Variants in EPS8L1 observed in about 807,000 individuals in gnomAD.
EPS8L1 encodes the protein epidermal growth factor receptor kinase substrate 8-like protein 1.
In EPS8L1, 101 loss-of-function variants were observed where a neutral mutation model predicts 91.7. The observed-to-expected ratio is 1.10, with a 90% CI of 0.94 to 1.30. The LOEUF is 1.30. Among genes scored for constraint, EPS8L1 ranks in the 50% most tolerant of loss-of-function variants. EPS8L1 has a pLI of 0.00. For missense variants in EPS8L1, 1,114 were observed against 1,017.0 expected, an observed-to-expected ratio of 1.10 and a Z score of -1.30; for synonymous variants, 506 against 445.3, an observed-to-expected ratio of 1.14 and a Z score of -1.72.
chr19:55,080,124 G>A lies in EPS8L1; in HGVS notation c.280-5G>A, dbSNP rs917345267. 10 of 1,483,840 alleles carry A rather than the reference G, an allele frequency of 6.7e-6. No homozygotes were observed. The highest frequency in any genetic ancestry group is 9.0e-6 in the Non-Finnish European group (10 of 1,111,938). 91.9% of individuals were successfully genotyped at this position (1,483,840 alleles called of 1,614,324 possible). ...CTCAGTTTACCCCGCCATCCCACCC[G>A]GCAGGAGGAGCTGGAGTCGTACCCA... On this transcript the variant is annotated splice_region_variant and splice_polypyrimidine_tract_variant and intron_variant, in intron 5 of 19. Coordinates refer to ENST00000201647, the MANE Select transcript of EPS8L1 (RefSeq NM_133180.3).
chr19:55,082,375 C>G (rs762964444), intron 11 of EPS8L1, 26 bp downstream of exon 11: 1 of 1,612,110 alleles, frequency 6.2e-7, no homozygotes, highest in Non-Finnish European at 8.5e-7. Flanking sequence ...GGCCCTCGGG[C>G]CCCCCTGCAG....
In EPS8L1 at chr19:55,087,423, C is replaced by T. The variant is rs778997648; in HGVS notation, c.2073C>T (p.Arg691=). The T allele has an allele frequency of 6.2e-7, 1 of 1,614,116 alleles. No individual in the cohort carries two copies. Among genetic ancestry groups the T allele is most frequent in the South Asian group, 1.1e-5 (1 of 91,082 alleles). Reference sequence around the variant, plus strand: ...TGTACAGCCAGGTCACCGTGCAGCGCTCGCTGCTGGAGGTGAGCCGGACCG... The same window carrying T: ...TGTACAGCCAGGTCACCGTGCAGCGTTCGCTGCTGGAGGTGAGCCGGACCG... The part of the protein sequence containing the change: ...ARVYSQVTVQ[R]SLLEDKEKVS... The change falls in exon 19 of 20, where the codon CGC becomes CGT. Residue 691 remains arginine (R), a synonymous_variant. Coordinates refer to ENST00000201647, the MANE Select transcript of EPS8L1 (RefSeq NM_133180.3).
Position 55,082,256 on chromosome 19 carries a change from C to T in EPS8L1, c.991-19C>T, listed in dbSNP as rs1416534871. On this transcript the variant is annotated intron_variant, in intron 10 of 19. Transcript: ENST00000201647. ...CCGTCCCCGCACCCACGCCAACCAC[C>T]TCCCTCCCCACGCCCCAGGCCCGGC... 6.2e-7 allele frequency: 1 copy of T among 1,608,442 alleles called. No homozygotes were observed. Among genetic ancestry groups the T allele is most frequent in the Non-Finnish European group, 8.5e-7 (1 of 1,177,812 alleles).
At position 55,087,438 on chromosome 19, in the gene EPS8L1, G is replaced by A. The variant is rs141587315; in HGVS notation, c.2085+3G>A. On this transcript the variant is annotated splice_donor_region_variant and intron_variant, in intron 19 of 19. Coordinates refer to ENST00000201647, the MANE Select transcript of EPS8L1 (RefSeq NM_133180.3). ...CCGTGCAGCGCTCGCTGCTGGAGGT[G>A]AGCCGGACCGCTGGTCCCTGGGTCT... 150 of 1,614,190 alleles carry A rather than the reference G, an allele frequency of 9.3e-5. No individual in the cohort carries two copies. In the African/African-American group the frequency reaches 1.5e-3, roughly 16 times the overall value.
At chr19:55,086,635 G>GCCCCCCCCC in intron 17 of EPS8L1, 79 bp from the exon 18 acceptor site, 3 of 1,307,692 alleles carry the variant, frequency 2.3e-6, no homozygotes, top group Non-Finnish European at 3.2e-6. Flanking sequence ...ACGCTGGAGC[G>GCCCCCCCCC]CCCCCCCGCC....
chr19:55,076,137 GGGCCTGGACTCCTGGGT>G (rs2076125139), intron 1 of EPS8L1, among the ~76,000 whole-genome samples: 2 of 129,090 alleles, frequency 1.5e-5, no homozygotes, highest in Non-Finnish European at 3.6e-5. Context: ...GGAGGAGATG[GGGCCTGGACTCCTGGGT>G]CTGAGGGAGG....
Position 55,083,697 on chromosome 19 carries a change from G to A in EPS8L1, c.1385+53G>A. The A allele has an allele frequency of 1.3e-6, 2 of 1,569,594 alleles. No homozygotes were observed. Among genetic ancestry groups the A allele is most frequent in the Non-Finnish European group, 1.7e-6 (2 of 1,156,922 alleles). On this transcript the variant is annotated intron_variant, in intron 14 of 19. Coordinates refer to ENST00000201647, the MANE Select transcript of EPS8L1 (RefSeq NM_133180.3). This position sits in a 1 kb window ranked among gnomAD's most constrained non-coding sequence, Gnocchi z 4.7. ...GGGGGTCAAGGAGGGGTGCGTCCCG[G>A]GGGCTCCCGATGCTGACTCCGCCCC...
rs1568777493 is a variant in EPS8L1 at position 55,078,997 on chromosome 19, AGAGCAGAGGAAGCGTT to A, written c.59-1_73del. 6.2e-7 allele frequency: 1 copy of A among 1,613,706 alleles called. No homozygotes were observed. The highest frequency in any genetic ancestry group is 1.1e-5 in the South Asian group (1 of 91,080). On this transcript the variant is annotated splice_acceptor_variant and coding_sequence_variant, in exon 4 of 20. Transcript: ENST00000201647. LOFTEE classifies it high-confidence loss of function. ...AGGCTCATTCTCTTTCTCCCCTGGC[AGAGCAGAGGAAGCGTT>A]ACTCCACAGTTGTTATGGCTGATGT...
Position 55,086,455 on chromosome 19 carries a change from C to G in EPS8L1, c.1714C>G (p.Arg572Gly). 2 of 1,552,642 alleles carry G rather than the reference C, an allele frequency of 1.3e-6. No homozygotes were observed. The highest frequency in any genetic ancestry group is 1.7e-6 in the Non-Finnish European group (2 of 1,147,416). ...CCCACCTCCAGCTCTGGCTCGGCCC[C>G]GCTGGGACAGGCCCCGCTGGGACAG... Reference protein sequence around the residue: ...PAPPPALARPRWDRPRWDSCD... With the variant: ...PAPPPALARPGWDRPRWDSCD... The change falls in exon 17 of 20, where the codon CGC becomes GGC. Residue 572 changes from arginine to glycine, a missense_variant. Arg to Gly is a moderately radical substitution (Grantham distance 125). Transcript: ENST00000201647.
intron 6 of EPS8L1, 35 bp from the exon 7 acceptor site, chr19:55,080,726 AGTGGGTGCGGC>A: frequency 6.3e-7 from 1 of 1,597,044 alleles, no homozygotes; most frequent in Non-Finnish European, 8.5e-7. Flanking sequence ...CCGGGTAGGA[AGTGGGTGCGGC>A]GTGGGGAGGC....
chr19:55,080,398 AGGAAGGGCAG>A (rs2076229590), intron 6 of EPS8L1, 120 bp downstream of exon 6: 2 of 1,570,504 alleles, frequency 1.3e-6, no homozygotes, highest in Admixed American at 1.9e-5. Context: ...GATCAGAGCA[AGGAAGGGCAG>A]GGGACCTGGG....
chr19:55,086,337 G>C, intron 16 of EPS8L1, 55 bp from the exon 17 acceptor site: 1 of 1,604,306 alleles, frequency 6.2e-7, no homozygotes, highest in South Asian at 1.1e-5. Context: ...AAGGGGAGAG[G>C]CTGGGACTCT....
intron 16 of EPS8L1, 78 bp downstream of exon 16, chr19:55,086,270 A>C (rs2076351200): frequency 6.2e-7 from 1 of 1,610,054 alleles, no homozygotes; most frequent in Admixed American, 1.7e-5. Context: ...CGTGGGGATC[A>C]GCTGTCAAGA....
intron 5 of EPS8L1, 34 bp downstream of exon 5, chr19:55,079,885 G>A (rs780533306): frequency 1.9e-6 from 3 of 1,582,426 alleles, no homozygotes; most frequent in South Asian, 1.1e-5. Context: ...AGGAGTGTCT[G>A]GGGCAGGGAC....
rs1190817815 is a variant in EPS8L1, at chr19:55,080,157, C to G, written c.308C>G (p.Ala103Gly). ...GAGCTGGAGTCGTACCCACTGGGCG[C>G]CATCGTGCGCTGTGACGCGGTGATG... is the stretch of plus-strand genomic sequence containing the variant. ...KEELESYPLG[A>G]IVRCDAVMPP... Residue 103 changes from alanine (A) to glycine (G), a missense_variant, in exon 6 of 20, where the codon GCC (alanine) becomes GGC (glycine). By Grantham distance (60) the Ala-to-Gly change is moderately conservative (BLOSUM62 0). Coordinates refer to ENST00000201647, the MANE Select transcript of EPS8L1 (RefSeq NM_133180.3). 6.6e-7 allele frequency: 1 copy of G among 1,520,600 alleles called. No individual in the cohort carries two copies. Among genetic ancestry groups the G allele is most frequent in the Non-Finnish European group, 8.9e-7 (1 of 1,127,606 alleles). 94.2% of individuals were successfully genotyped at this position (1,520,600 alleles called of 1,614,324 possible).
chr19:55,081,285 C>T lies in EPS8L1; in HGVS notation c.567C>T (p.Pro189=). The change falls in exon 8 of 20, where the codon CCC becomes CCT. Residue 189 remains proline, a synonymous_variant. Transcript: ENST00000201647. The surrounding 1 kb of genome is among the most constrained non-coding windows in gnomAD (Gnocchi z 4.9). ...GCTCGCCCGCCGCTGAGACCCCGCC[C>T]CTGCAGCGCCGCCCGTCAGTCCGCG... ...RDRSPAAETP[P]LQRRPSVRAV... is the part of the protein sequence containing the mutation. 1 of 1,545,778 alleles carries T rather than the reference C, an allele frequency of 6.5e-7. No individual in the cohort carries two copies. The highest frequency in any genetic ancestry group is 1.2e-5 in the South Asian group (1 of 84,630).
chr19:55,086,850 G>A lies in EPS8L1; in HGVS notation c.1914G>A (p.Glu638=), dbSNP rs745862338. The A allele has an allele frequency of 6.7e-7, 1 of 1,492,226 alleles. No homozygotes were observed. The highest frequency in any genetic ancestry group is 8.9e-7 in the Non-Finnish European group (1 of 1,126,886). The allele number at this position is 1,492,226 out of a possible 1,614,324, so 92.4% of individuals were successfully genotyped here. Residue 638 remains glutamate (E), a synonymous_variant, in exon 18 of 20, where the codon GAG becomes GAA. Coordinates refer to ENST00000201647, the MANE Select transcript of EPS8L1 (RefSeq NM_133180.3). ...PQLSPGSDAS[E]VRAWLQAKGF... Reference sequence around the variant, plus strand: ...TCAGCCCGGGCTCGGACGCCTCCGAGGTCCGCGCCTGGCTGCAGGCCAAGG... The same window carrying A: ...TCAGCCCGGGCTCGGACGCCTCCGAAGTCCGCGCCTGGCTGCAGGCCAAGG...
chr19:55,086,663 G>GCC, intron 17 of EPS8L1, 51 bp from the exon 18 acceptor site: 2 of 979,934 alleles, frequency 2.0e-6, no homozygotes, highest in Non-Finnish European at 3.0e-6. Context: ...CTGGCCCCAG[G>GCC]ACCCCTCGCC....
At position 55,081,568 on chromosome 19, in the gene EPS8L1, C is replaced by A. The variant is rs1243579458; in HGVS notation, c.774+76C>A. On this transcript the variant is annotated intron_variant, in intron 8 of 19. Coordinates refer to ENST00000201647, the MANE Select transcript of EPS8L1 (RefSeq NM_133180.3). The surrounding 1 kb of genome is among the most constrained non-coding windows in gnomAD (Gnocchi z 4.9). ...GGGCTAGGGCGTGGAAGGGCGGGGCCGGCTGCGGGACGGGCGTTCTCTGGT... is the reference window on the plus strand; with the variant it reads ...GGGCTAGGGCGTGGAAGGGCGGGGCAGGCTGCGGGACGGGCGTTCTCTGGT... 1.6e-5 allele frequency: 22 copies of A among 1,404,222 alleles called. No individual in the cohort carries two copies. The highest frequency in any genetic ancestry group is 2.0e-5 in the Non-Finnish European group (21 of 1,076,594). 87.0% of individuals were successfully genotyped at this position (1,404,222 alleles called of 1,614,324 possible). A position where few individuals can be genotyped will look rare whatever the true frequency, so the allele number is the denominator to read the frequency against.
Sources: allele counts gnomAD v4.1 joint callset (sites outside exome capture counted in the v4.1 genomes callset), GRCh38; gene constraint gnomAD v4.1.1; non-coding constraint Gnocchi (gnomAD v3.1); transcripts MANE v1.5; gene names NCBI Gene and HGNC (gene_info 2026-07-23, HGNC 2026-07-21).